KALRN: variants seen among roughly 807,000 people sequenced by gnomAD.
KALRN encodes the protein kalirin.
Under a neutral mutation model 353.7 loss-of-function variants are expected in KALRN, and 70 were observed. The observed-to-expected ratio is 0.20, with a 90% CI of 0.16 to 0.24. KALRN has a LOEUF of 0.24. Ranked by LOEUF, KALRN falls within the 10% of genes least tolerant of loss-of-function variation. The pLI, the probability that KALRN is intolerant of heterozygous loss-of-function variation, is 1.00. For synonymous variants in KALRN, 1,391 were observed against 1,434.8 expected (o/e 0.97, Z 0.69); for missense variants, 2,791 against 3,756.7 (o/e 0.74, Z 6.72).
chr3:124,173,177 A>T (rs1405917987), intron 1 of KALRN, among the ~76,000 whole-genome samples: 1 of 152,218 alleles, frequency 6.6e-6, no homozygotes, highest in East Asian at 1.9e-4. Flanking sequence ...TGGTTAATAT[A>T]TGGAGAATGG....
intron 1 of KALRN, among the ~76,000 whole-genome samples, chr3:124,042,225 G>T (rs1577480441): frequency 6.6e-6 from 1 of 152,174 alleles, no homozygotes. Context: ...GGCTGGTGGA[G>T]GATCAATGGG....
intron 10 of KALRN, among the ~76,000 whole-genome samples, chr3:124,375,526 T>C (rs1246496521): frequency 6.6e-6 from 1 of 152,190 alleles, no homozygotes; most frequent in East Asian, 1.9e-4. Context: ...AGGGACAGAA[T>C]CTTTCCCTGC....
intron 1 of KALRN, among the ~76,000 whole-genome samples, chr3:124,160,830 T>C (rs998940523): frequency 6.6e-6 from 1 of 152,228 alleles, no homozygotes; most frequent in African/African-American, 2.4e-5. Context: ...TCTTCTCCCA[T>C]GTACAGAAGG....
At chr3:124,577,628 T>C (rs1173923483) in intron 34 of KALRN, among the ~76,000 whole-genome samples, 1 of 152,170 alleles carries the variant, frequency 6.6e-6, no homozygotes, top group African/African-American at 2.4e-5. Context: ...GGGTCATGCC[T>C]GTAGTCTCAG....
chr3:124,627,327 C>G (rs1242798777), intron 34 of KALRN, among the ~76,000 whole-genome samples: 1 of 152,186 alleles, frequency 6.6e-6, no homozygotes, highest in Non-Finnish European at 1.5e-5. Context: ...ATGGAACAAA[C>G]TTGAAACAAC....
At position 124,371,116 on chromosome 3, in the gene KALRN, C is replaced by G. The variant is rs80272984; in HGVS notation, c.1771-13729C>G. 1.3e-3 allele frequency among the ~76,000 whole-genome samples: 191 copies of G among 152,298 alleles called. 1 individual carries two copies. The highest frequency in any genetic ancestry group is 4.6e-3 in the African/African-American group (191 of 41,562). On this transcript the variant is annotated intron_variant, in intron 10 of 59. Coordinates refer to ENST00000682506, the MANE Select transcript of KALRN (RefSeq NM_001388419.1). The stretch of plus-strand genomic sequence containing the variant: ...CAATTTTAGCAGAATTCATGTTGCT[C>G]TGATTGGGGCTGTTTGAAACTGATG...
chr3:124,133,909 G>A (rs2065608949), intron 1 of KALRN, among the ~76,000 whole-genome samples: 1 of 152,168 alleles, frequency 6.6e-6, no homozygotes, highest in Non-Finnish European at 1.5e-5. Flanking sequence ...CACATCCCAT[G>A]CTCATGGATG....
At chr3:124,241,984 A>G (rs556500664) in intron 3 of KALRN, among the ~76,000 whole-genome samples, 7 of 152,360 alleles carry the variant, frequency 4.6e-5, no homozygotes, top group South Asian at 2.1e-4. Context: ...GTAGAAACAC[A>G]TAGTCTTTTG....
intron 34 of KALRN, among the ~76,000 whole-genome samples, chr3:124,602,338 T>C (rs115310982): frequency 0.013 from 2,044 of 152,246 alleles, 44 homozygotes; most frequent in African/African-American, 0.046. Context: ...AATATTTCTC[T>C]TATTGTCGGA....
At chr3:124,288,247 A>G (rs2076127815) in intron 5 of KALRN, among the ~76,000 whole-genome samples, 1 of 152,222 alleles carries the variant, frequency 6.6e-6, no homozygotes, top group Non-Finnish European at 1.5e-5. Flanking sequence ...CTACTATGGT[A>G]AACACTAGAG....
At chr3:124,077,918 T>A (rs1340259707) in intron 1 of KALRN, among the ~76,000 whole-genome samples, 2 of 152,232 alleles carry the variant, frequency 1.3e-5, no homozygotes, top group Non-Finnish European at 2.9e-5. Flanking sequence ...GGCAGTTTTC[T>A]TGACTTCTGT....
At chr3:124,560,764 C>G (rs1238199985) in intron 33 of KALRN, among the ~76,000 whole-genome samples, 1 of 152,186 alleles carries the variant, frequency 6.6e-6, no homozygotes, top group Non-Finnish European at 1.5e-5. Context: ...CCGGTCCCAG[C>G]TACTCAGCAG....
At chr3:124,604,513 G>A (rs1196758757) in intron 34 of KALRN, among the ~76,000 whole-genome samples, 4 of 152,104 alleles carry the variant, frequency 2.6e-5, no homozygotes. Context: ...GGTTGGAGAT[G>A]AGCTCATGAA....
At chr3:124,067,728 G>T (rs77881206) in intron 1 of KALRN, among the ~76,000 whole-genome samples, 1 of 152,240 alleles carries the variant, frequency 6.6e-6, no homozygotes. Context: ...ACAGCAGGTA[G>T]GAGGTGCCTG....
intron 6 of KALRN, among the ~76,000 whole-genome samples, chr3:124,312,880 G>A (rs6793443): frequency 0.2 from 30,126 of 152,196 alleles, 3,081 homozygotes; most frequent in South Asian, 0.29. Flanking sequence ...ATTCACAGCT[G>A]TATCTGCAGA....
intron 58 of KALRN, among the ~76,000 whole-genome samples, chr3:124,716,784 C>T (rs528444883): frequency 3.0e-4 from 46 of 152,208 alleles, no homozygotes; most frequent in Non-Finnish European, 6.5e-4. Flanking sequence ...CCAGCCTGGG[C>T]GACACAGTGA....
Position 124,482,837 on chromosome 3 carries a change from C to T in KALRN, c.4221C>T (p.Asn1407=), listed in dbSNP as rs1398983328. 2.5e-6 allele frequency: 4 copies of T among 1,613,692 alleles called. No homozygotes were observed. In the Admixed American group the frequency reaches 6.7e-5, roughly 27 times the overall value. ...DEIQQRHGLA[N]SISSYLIKPV... ...TACAACAGCGGCATGGTCTGGCCAACTCCATCTCTTCCTACCTAATTAAGC... is the reference window on the plus strand; with the variant it reads ...TACAACAGCGGCATGGTCTGGCCAATTCCATCTCTTCCTACCTAATTAAGC... The change falls in exon 28 of 60, where the codon AAC becomes AAT. Residue 1407 remains asparagine, a synonymous_variant. Transcript: ENST00000682506.
intron 11 of KALRN, among the ~76,000 whole-genome samples, chr3:124,393,375 C>G (rs2089742466): frequency 6.6e-6 from 1 of 152,154 alleles, no homozygotes; most frequent in South Asian, 2.1e-4. Flanking sequence ...AAAACGACAG[C>G]CAGAAAATAT....
At chr3:124,534,710 A>G (rs2068362951) in intron 33 of KALRN, among the ~76,000 whole-genome samples, 1 of 152,148 alleles carries the variant, frequency 6.6e-6, no homozygotes, top group South Asian at 2.1e-4. Context: ...AAGCTGTGGT[A>G]AGGAAGGAAG....
Sources: gnomAD v4.1 joint callset for allele counts (sites outside exome capture counted in the v4.1 genomes callset) on GRCh38, gnomAD v4.1.1 for gene constraint, MANE v1.5 for transcripts, NCBI Gene and HGNC (gene_info 2026-07-23, HGNC 2026-07-21) for gene names.